Variants in PACS1 observed in about 807,000 individuals in gnomAD.
PACS1 encodes the protein phosphofurin acidic cluster sorting protein 1, also known as PACS-1.
In PACS1, 24 loss-of-function variants were observed where a neutral mutation model predicts 115.0. That is an observed-to-expected ratio of 0.21 (90% CI 0.15 to 0.29). The LOEUF is 0.29. Among genes scored for constraint, PACS1 ranks in the 10% least tolerant of loss-of-function variants. The probability of loss-of-function intolerance (pLI) is 1.00; values close to 1 mark genes in which losing one functional copy is unlikely to be tolerated. For missense variants in PACS1, 838 were observed against 1,251.2 expected, an observed-to-expected ratio of 0.67 and a Z score of 4.98; for synonymous variants, 453 against 504.5, an observed-to-expected ratio of 0.90 and a Z score of 1.37.
At chr11:66,215,997 A>G in intron 4 of PACS1, 122 bp from the exon 5 acceptor site, 1 of 709,420 alleles carries the variant, frequency 1.4e-6, no homozygotes, top group Non-Finnish European at 2.3e-6. Flanking sequence ...CATGGATTTG[A>G]AAGTAAGGAA....
rs12286708 is a variant in PACS1 at position 66,091,799 on chromosome 11, A to G, written c.356+20957A>G. On this transcript the variant is annotated intron_variant, in intron 1 of 23. Transcript: ENST00000320580. ...TGGTTTTTTGTTGTTGCGATAGTTT[A>G]CTGAGAATGATGATTTCCAATTTCA... is the stretch of plus-strand genomic sequence containing the variant. 9.0e-3 allele frequency among the ~76,000 whole-genome samples: 1,368 copies of G among 151,540 alleles called. 30 individuals are homozygous for G. The highest frequency in any genetic ancestry group is 0.031 in the African/African-American group (1,282 of 41,192).
In PACS1 at chr11:66,092,027, G is replaced by A. The variant is rs574764151; in HGVS notation, c.356+21185G>A. On this transcript the variant is annotated intron_variant, in intron 1 of 23. Coordinates refer to ENST00000320580, the MANE Select transcript of PACS1 (RefSeq NM_018026.4). ...AGCAGCATGATTTATAGTCCTTTGGGTGTATACCCAGTAATGGGATGGCTG... is the reference window on the plus strand; with the variant it reads ...AGCAGCATGATTTATAGTCCTTTGGATGTATACCCAGTAATGGGATGGCTG... Among the ~76,000 whole-genome samples the A allele has an allele frequency of 2.6e-5, 4 of 152,212 alleles. No individual in the cohort carries two copies. In the South Asian group the frequency reaches 8.3e-4, roughly 32 times the overall value.
chr11:66,099,899 A>C (rs145828205), intron 1 of PACS1, among the ~76,000 whole-genome samples: 1,902 of 151,092 alleles, frequency 0.013, 13 homozygotes, highest in Non-Finnish European at 0.019. Context: ...CCCAGGCTGG[A>C]GTGCAATGGC....
At chr11:66,166,404 CCCA>C (rs754731848) in intron 1 of PACS1, among the ~76,000 whole-genome samples, 8 of 152,220 alleles carry the variant, frequency 5.3e-5, no homozygotes, top group Non-Finnish European at 1.5e-5. Flanking sequence ...GCCTTGGCCT[CCCA>C]AGGTGCTGGG....
intron 1 of PACS1, among the ~76,000 whole-genome samples, chr11:66,155,637 C>T (rs1372091980): frequency 6.6e-6 from 1 of 152,120 alleles, no homozygotes; most frequent in Non-Finnish European, 1.5e-5. Flanking sequence ...TTCATATCCT[C>T]TGTTGAGAAT....
At chr11:66,145,760 A>G (rs571670795) in intron 1 of PACS1, among the ~76,000 whole-genome samples, 2 of 152,326 alleles carry the variant, frequency 1.3e-5, no homozygotes, top group South Asian at 2.1e-4. Flanking sequence ...GCACAGACCC[A>G]TGGGCAGAGG....
At chr11:66,082,004 A>G (rs983215781) in intron 1 of PACS1, among the ~76,000 whole-genome samples, 1 of 152,098 alleles carries the variant, frequency 6.6e-6, no homozygotes, top group Non-Finnish European at 1.5e-5. Context: ...GTTAATTTTC[A>G]CCTTTAATAA....
chr11:66,119,577 A>G (rs1050371051), intron 1 of PACS1, among the ~76,000 whole-genome samples: 1 of 152,264 alleles, frequency 6.6e-6, no homozygotes, highest in Non-Finnish European at 1.5e-5. Flanking sequence ...CAAGTAGTAC[A>G]CAGGATATAT....
intron 1 of PACS1, among the ~76,000 whole-genome samples, chr11:66,087,926 C>T (rs944841521): frequency 6.6e-5 from 10 of 151,964 alleles, no homozygotes. Context: ...TTTTTCAAGG[C>T]AAAGAATTGG....
intron 1 of PACS1, among the ~76,000 whole-genome samples, chr11:66,179,841 T>C (rs1859959009): frequency 6.6e-6 from 1 of 152,174 alleles, no homozygotes; most frequent in Admixed American, 6.5e-5. Context: ...CTCTCATTGT[T>C]TGTTTGTTTA....
chr11:66,070,728 CCTCGGG>C lies in PACS1; in HGVS notation c.246_251del (p.Gly83_Ser84del), dbSNP rs773020000. 98 of 1,568,336 alleles carry C rather than the reference CCTCGGG, an allele frequency of 6.2e-5. No homozygotes were observed. In the South Asian group the frequency reaches 7.9e-4, roughly 13 times the overall value. On this transcript the variant is annotated inframe_deletion, in exon 1 of 24. Transcript: ENST00000320580. The surrounding 1 kb of genome is among the most constrained non-coding windows in gnomAD (Gnocchi z 5.9). ...TCCACCTCCATGGCCGTGGCGGTGGCCTCGGGCTCCGCGCCTCCCGGTGGCCCGGGG... is the reference window on the plus strand; with the variant it reads ...TCCACCTCCATGGCCGTGGCGGTGGCCTCCGCGCCTCCCGGTGGCCCGGGG...
At chr11:66,082,438 C>G (rs1857497559) in intron 1 of PACS1, among the ~76,000 whole-genome samples, 1 of 152,144 alleles carries the variant, frequency 6.6e-6, no homozygotes, top group Non-Finnish European at 1.5e-5. Context: ...CTCAAGTGAT[C>G]CTCTCACCTC....
At chr11:66,147,212 T>A (rs1200185161) in intron 1 of PACS1, among the ~76,000 whole-genome samples, 1 of 152,062 alleles carries the variant, frequency 6.6e-6, no homozygotes, top group Non-Finnish European at 1.5e-5. Context: ...ATATTCAAAG[T>A]ACTGAAAGAA....
At position 66,233,968 on chromosome 11, in the gene PACS1, CG is replaced by C. The variant is rs765502250; in HGVS notation, c.1993+32del. 2.6e-6 allele frequency: 4 copies of C among 1,566,276 alleles called. No homozygotes were observed. The East Asian group carries it at 6.8e-5, about 26-fold the overall frequency. Reference sequence around the variant, plus strand: ...AAGACGGGAGGCACCAGGAGGGCGTCGGGCATGAGGGTTCCATAGACAGATG... The same window carrying C: ...AAGACGGGAGGCACCAGGAGGGCGTCGGCATGAGGGTTCCATAGACAGATG... On this transcript the variant is annotated intron_variant, in intron 16 of 23. Coordinates refer to ENST00000320580, the MANE Select transcript of PACS1 (RefSeq NM_018026.4). This position sits in a 1 kb window ranked among gnomAD's most constrained non-coding sequence, Gnocchi z 4.5.
chr11:66,224,378 A>G (rs1327713994), intron 10 of PACS1, among the ~76,000 whole-genome samples: 1 of 152,072 alleles, frequency 6.6e-6, no homozygotes, highest in Non-Finnish European at 1.5e-5. Flanking sequence ...TTCCTCATCT[A>G]CAAGGTACGT....
chr11:66,221,728 C>G (rs1590829982), intron 10 of PACS1: 1 of 159,726 alleles, frequency 6.3e-6, no homozygotes, highest in Non-Finnish European at 1.4e-5. Context: ...TGGCTGGGAG[C>G]TTAGCTCTTT....
At chr11:66,170,113 G>A (rs564317471) in intron 1 of PACS1, among the ~76,000 whole-genome samples, 2 of 150,620 alleles carry the variant, frequency 1.3e-5, no homozygotes, top group South Asian at 2.1e-4. Flanking sequence ...GCATAAAGTG[G>A]TTTGTGGCAT....
chr11:66,202,306 TAAG>T (rs1486432168), intron 2 of PACS1, among the ~76,000 whole-genome samples: 2 of 152,132 alleles, frequency 1.3e-5, no homozygotes, highest in African/African-American at 2.4e-5. Flanking sequence ...ACCAAACATT[TAAG>T]AAGAACTGTT....
Position 66,210,346 on chromosome 11 carries a change from T to A in PACS1, c.445-16T>A. ...CCACTGCACCTGGCCAAACAGACTT[T>A]TCTTCTTGGTTTCAGGGTTCAAAAA... On this transcript the variant is annotated splice_polypyrimidine_tract_variant and intron_variant, in intron 2 of 23. Transcript: ENST00000320580. 6.2e-7 allele frequency: 1 copy of A among 1,609,704 alleles called. No homozygotes were observed. The highest frequency in any genetic ancestry group is 8.5e-7 in the Non-Finnish European group (1 of 1,176,038).
Sources: allele counts gnomAD v4.1 joint callset (sites outside exome capture counted in the v4.1 genomes callset), GRCh38; gene constraint gnomAD v4.1.1; non-coding constraint Gnocchi (gnomAD v3.1); transcripts MANE v1.5; gene names NCBI Gene and HGNC (gene_info 2026-07-23, HGNC 2026-07-21).